The following MPHOSPH9 variants were observed in gnomAD, a reference collection of about 807,000 sequenced individuals.
The protein encoded by MPHOSPH9 is M-phase phosphoprotein 9.
MPHOSPH9 carries 88 observed loss-of-function variants against 145.5 expected under a neutral mutation model. The ratio of observed to expected loss-of-function variants is 0.60; its 90% CI spans 0.51 to 0.72. The LOEUF (loss-of-function observed/expected upper bound fraction) is 0.72, where lower values mean the gene tolerates loss of function less well. MPHOSPH9 is among the 30% of genes least tolerant of loss of function. The probability of loss-of-function intolerance (pLI) is 0.00; values close to 1 mark genes in which losing one functional copy is unlikely to be tolerated. For synonymous variants in MPHOSPH9, 435 were observed against 486.2 expected (o/e 0.89, Z 1.39); for missense variants, 1,238 against 1,386.6 (o/e 0.89, Z 1.70).
chr12:123,227,190 A>G (rs2047469611), intron 3 of MPHOSPH9, among the ~76,000 whole-genome samples: 1 of 152,168 alleles, frequency 6.6e-6, no homozygotes, highest in Admixed American at 6.6e-5. Context: ...TAATTTTGGG[A>G]TTCTCAGGTC....
At chr12:123,174,771 T>G (rs918219868) in intron 16 of MPHOSPH9, among the ~76,000 whole-genome samples, 27 of 152,194 alleles carry the variant, frequency 1.8e-4, no homozygotes, top group African/African-American at 6.3e-4. Context: ...GATATGAATC[T>G]CAAACAAAAA....
At chr12:123,174,067 T>C (rs905441367) in intron 16 of MPHOSPH9, among the ~76,000 whole-genome samples, 7 of 152,316 alleles carry the variant, frequency 4.6e-5, no homozygotes, top group African/African-American at 1.2e-4. Flanking sequence ...CTAGGTCCCA[T>C]GAAGAACTGA....
At chr12:123,198,223 A>G (rs1359012075) in intron 12 of MPHOSPH9, 24 bp downstream of exon 12, 1 of 1,539,546 alleles carries the variant, frequency 6.5e-7, no homozygotes, top group African/African-American at 1.4e-5. Flanking sequence ...TCACCAGAAC[A>G]CCCACCAAAA....
At chr12:123,183,332 G>C (rs113196368) in intron 13 of MPHOSPH9, among the ~76,000 whole-genome samples, 5,360 of 151,940 alleles carry the variant, frequency 0.035, 292 homozygotes, top group African/African-American at 0.12. Flanking sequence ...TGGATCATCT[G>C]AGGTCAGGAG....
intron 3 of MPHOSPH9, among the ~76,000 whole-genome samples, 194 bp from the exon 4 acceptor site, chr12:123,223,321 T>TC (rs1026753603): frequency 3.3e-5 from 5 of 151,918 alleles, no homozygotes; most frequent in African/African-American, 1.2e-4. Context: ...AAGGCTACGT[T>TC]CAGCCTCAAG....
chr12:123,204,061 C>T (rs1437710448), intron 8 of MPHOSPH9, among the ~76,000 whole-genome samples: 2 of 151,988 alleles, frequency 1.3e-5, no homozygotes, highest in Non-Finnish European at 2.9e-5. Context: ...CCCAGCACTT[C>T]GGGAGGCCAA....
At chr12:123,188,990 C>T (rs1020962654) in intron 13 of MPHOSPH9, among the ~76,000 whole-genome samples, 1 of 152,170 alleles carries the variant, frequency 6.6e-6, no homozygotes, top group African/African-American at 2.4e-5. Flanking sequence ...AAGCTATAAT[C>T]ATGCCACTAC....
intron 13 of MPHOSPH9, among the ~76,000 whole-genome samples, chr12:123,193,967 T>C (rs2045823908): frequency 6.6e-6 from 1 of 152,146 alleles, no homozygotes; most frequent in Non-Finnish European, 1.5e-5. Flanking sequence ...TGCTGCAAAG[T>C]TATGTAAAAC....
chr12:123,197,566 G>C (rs986302023), intron 12 of MPHOSPH9, among the ~76,000 whole-genome samples: 2 of 150,844 alleles, frequency 1.3e-5, no homozygotes, highest in African/African-American at 2.4e-5. Context: ...GGTGGATCAC[G>C]AGGTCAGGCA....
At position 123,159,375 on chromosome 12, in the gene MPHOSPH9, G is replaced by T. The variant is rs796423811; in HGVS notation, c.3450+1406C>A. Among the ~76,000 whole-genome samples the T allele has an allele frequency of 2.1e-4, 32 of 152,232 alleles. No homozygotes were observed. Among genetic ancestry groups the T allele is most frequent in the African/African-American group, 7.5e-4 (31 of 41,562 alleles). On this transcript the variant is annotated intron_variant, in intron 23 of 23. Coordinates refer to ENST00000606320, the MANE Select transcript of MPHOSPH9 (RefSeq NM_022782.4). This position sits in a 1 kb window ranked among gnomAD's most constrained non-coding sequence, Gnocchi z 4.3. ...AGATGGGGTTTTGCCATGTTGGCCA[G>T]GCTGGTCTTGAACTCCTGACCTCGT... is the stretch of plus-strand genomic sequence containing the variant.
chr12:123,184,228 ATT>A (rs1167419220), intron 13 of MPHOSPH9, among the ~76,000 whole-genome samples: 4 of 151,716 alleles, frequency 2.6e-5, no homozygotes, highest in Admixed American at 2.0e-4. Context: ...TTAACAAATA[ATT>A]TTCTTTTGAA....
intron 12 of MPHOSPH9, among the ~76,000 whole-genome samples, 164 bp downstream of exon 12, chr12:123,198,083 C>CAA (rs72059632): frequency 3.7e-4 from 41 of 109,840 alleles, no homozygotes; most frequent in Middle Eastern, 5.0e-3. Flanking sequence ...GACTCCGTCT[C>CAA]AAAAAAAAAA....
chr12:123,169,278 G>A (rs969953831), intron 16 of MPHOSPH9, among the ~76,000 whole-genome samples: 2 of 150,992 alleles, frequency 1.3e-5, no homozygotes, highest in African/African-American at 4.8e-5. Context: ...GGCAGATAAC[G>A]AGGTCAGGAG....
chr12:123,212,423 C>A (rs1292064063), intron 7 of MPHOSPH9, among the ~76,000 whole-genome samples: 2 of 152,150 alleles, frequency 1.3e-5, no homozygotes, highest in South Asian at 2.1e-4. Flanking sequence ...GGCGCAATGA[C>A]TCACGCCTGT....
Position 123,177,138 on chromosome 12 carries a change from C to T in MPHOSPH9, c.2355-349G>A, listed in dbSNP as rs550407962. On this transcript the variant is annotated intron_variant, in intron 15 of 23. Transcript: ENST00000606320. ...CAGGGAGGTGGATATTGCAGTGAGCCGAGATCGCACCAGCCTGGCGACAGA... is the reference window on the plus strand; with the variant it reads ...CAGGGAGGTGGATATTGCAGTGAGCTGAGATCGCACCAGCCTGGCGACAGA... Among the ~76,000 whole-genome samples the T allele has an allele frequency of 7.2e-5, 11 of 151,828 alleles. No homozygotes were observed. In the South Asian group the frequency reaches 1.2e-3, roughly 17 times the overall value.
intron 3 of MPHOSPH9, among the ~76,000 whole-genome samples, chr12:123,224,373 A>G (rs969560394): frequency 1.3e-5 from 2 of 151,922 alleles, no homozygotes; most frequent in Non-Finnish European, 2.9e-5. Context: ...TGACCTCATG[A>G]TCCGCCTGCC....
At chr12:123,218,230 C>T (rs2047051775) in intron 6 of MPHOSPH9, 146 bp downstream of exon 6, 2 of 1,157,578 alleles carry the variant, frequency 1.7e-6, no homozygotes, top group Non-Finnish European at 2.4e-6. Context: ...GAAACTCCGT[C>T]TCAAAAAAAC....
At chr12:123,226,369 T>C (rs747951688) in intron 3 of MPHOSPH9, 1 of 1,135,960 alleles carries the variant, frequency 8.8e-7, no homozygotes, top group East Asian at 6.4e-5. Flanking sequence ...ATAACACAAA[T>C]TATGCTTCTA....
At chr12:123,238,553 T>C (rs570211142) in intron 1 of MPHOSPH9, among the ~76,000 whole-genome samples, 7 of 152,228 alleles carry the variant, frequency 4.6e-5, no homozygotes, top group Admixed American at 2.0e-4. Flanking sequence ...GGCAGATTGC[T>C]TGAGCTCAGG....
Sources: allele counts gnomAD v4.1 joint callset (sites outside exome capture counted in the v4.1 genomes callset), GRCh38; gene constraint gnomAD v4.1.1; non-coding constraint Gnocchi (gnomAD v3.1); transcripts MANE v1.5; gene names NCBI Gene and HGNC (gene_info 2026-07-23, HGNC 2026-07-21).